The following ANGPT1 variants were observed in gnomAD, a reference collection of about 807,000 sequenced individuals.
The protein encoded by ANGPT1 is angiopoietin-1.
In ANGPT1, 17 loss-of-function variants were observed where a neutral mutation model predicts 62.2. The ratio of observed to expected loss-of-function variants is 0.27; its 90% CI spans 0.19 to 0.41. The LOEUF (loss-of-function observed/expected upper bound fraction) is 0.41, where lower values mean the gene tolerates loss of function less well. ANGPT1 is among the 10% of genes least tolerant of loss of function. ANGPT1 has a pLI of 1.00. For synonymous variants in ANGPT1, 199 were observed against 198.9 expected, an observed-to-expected ratio of 1.00 and a Z score of 0.00; for missense variants, 478 against 594.9, an observed-to-expected ratio of 0.80 and a Z score of 2.04.
At chr8:107,310,502 A>G (rs183737207) in intron 4 of ANGPT1, among the ~76,000 whole-genome samples, 28 of 152,296 alleles carry the variant, frequency 1.8e-4, no homozygotes, top group African/African-American at 6.0e-4. Context: ...TGAGTTATTC[A>G]GTATAAGCCA....
rs750634420 is a variant in ANGPT1 at position 107,257,870 on chromosome 8, G to GT, written c.1337-5856dup. Among the ~76,000 whole-genome samples, 342 of 45,102 alleles carry GT rather than the reference G, an allele frequency of 7.6e-3. 24 individuals carry two copies. The highest frequency in any genetic ancestry group is 0.011 in the Admixed American group (42 of 3,940). 29.6% of individuals were successfully genotyped at this position (45,102 alleles called of 152,430 possible). On this transcript the variant is annotated intron_variant, in intron 8 of 8. Transcript: ENST00000517746. ...TATATCCTCTTCAGGCCAAGGACTT[G>GT]TTTTTGTTTCTTTTTTGTTTGTTTG...
chr8:107,374,086 GT>G (rs1403303559), intron 1 of ANGPT1, among the ~76,000 whole-genome samples: 1 of 152,110 alleles, frequency 6.6e-6, no homozygotes, highest in Non-Finnish European at 1.5e-5. Context: ...TAGGATTAAT[GT>G]TTCTTTTTTA....
intron 4 of ANGPT1, among the ~76,000 whole-genome samples, chr8:107,319,569 T>C (rs1586219647): frequency 6.6e-6 from 1 of 151,722 alleles, no homozygotes; most frequent in East Asian, 1.9e-4. Context: ...AAATAATAAA[T>C]TTATATGATA....
rs1554587010 is a variant in ANGPT1, at chr8:107,370,407, A to AGAGT, written c.298-23314_298-23311dup. The stretch of plus-strand genomic sequence containing the variant: ...AAGAAAGAAAGAAAGAAAGAAAGAA[A>AGAGT]GAGTCAGGGTCAGTGGCTCAGGCCT... On this transcript the variant is annotated intron_variant, in intron 1 of 8. Coordinates refer to ENST00000517746, the MANE Select transcript of ANGPT1 (RefSeq NM_001146.5). Among the ~76,000 whole-genome samples, 2 of 71,940 alleles carry AGAGT rather than the reference A, an allele frequency of 2.8e-5. 1 individual carries two copies. The highest frequency in any genetic ancestry group is 9.5e-5 in the African/African-American group (2 of 21,004). 47.2% of individuals were successfully genotyped at this position (71,940 alleles called of 152,430 possible).
chr8:107,493,539 A>T lies in ANGPT1; in HGVS notation c.297+3723T>A, dbSNP rs1458006647. On this transcript the variant is annotated intron_variant, in intron 1 of 8. Coordinates refer to ENST00000517746, the MANE Select transcript of ANGPT1 (RefSeq NM_001146.5). ...TGTTTTAACTAGTATTAGGACAAAAATAACCATAGGTTATAGTCCTTGCCT... is the reference window on the plus strand; with the variant it reads ...TGTTTTAACTAGTATTAGGACAAAATTAACCATAGGTTATAGTCCTTGCCT... Among the ~76,000 whole-genome samples, 8 of 150,676 alleles carry T rather than the reference A, an allele frequency of 5.3e-5. 1 individual carries two copies. The highest frequency in any genetic ancestry group is 2.0e-4 in the African/African-American group (8 of 40,864).
At chr8:107,426,358 C>G (rs570857599) in intron 1 of ANGPT1, among the ~76,000 whole-genome samples, 2 of 152,196 alleles carry the variant, frequency 1.3e-5, no homozygotes, top group Non-Finnish European at 2.9e-5. Context: ...GATGATTAAT[C>G]AGCATTCTAA....
intron 7 of ANGPT1, among the ~76,000 whole-genome samples, chr8:107,274,485 C>T (rs896013005): frequency 6.6e-6 from 1 of 151,846 alleles, no homozygotes; most frequent in Non-Finnish European, 1.5e-5. Context: ...ATTTACTTGC[C>T]AACAAGCAAT....
intron 1 of ANGPT1, among the ~76,000 whole-genome samples, chr8:107,410,801 C>G (rs1446571393): frequency 6.6e-6 from 1 of 152,116 alleles, no homozygotes; most frequent in Non-Finnish European, 1.5e-5. Flanking sequence ...AAAGTGAAAT[C>G]TTAGCTTTTT....
At chr8:107,272,783 A>G (rs1405059289) in intron 7 of ANGPT1, among the ~76,000 whole-genome samples, 1 of 150,994 alleles carries the variant, frequency 6.6e-6, no homozygotes, top group African/African-American at 2.4e-5. Context: ...ATCTGTGACA[A>G]TGAAATATTT....
At chr8:107,370,217 A>T (rs1466523261) in intron 1 of ANGPT1, among the ~76,000 whole-genome samples, 2 of 145,658 alleles carry the variant, frequency 1.4e-5, no homozygotes, top group African/African-American at 5.1e-5. Context: ...GAAAGAAAGA[A>T]AGGAGAAAGG....
At chr8:107,299,297 G>C (rs539932164) in intron 5 of ANGPT1, among the ~76,000 whole-genome samples, 1 of 149,264 alleles carries the variant, frequency 6.7e-6, no homozygotes, top group East Asian at 2.0e-4. Flanking sequence ...TTCAATATTT[G>C]CTAAGAATTT....
At chr8:107,265,429 C>T (rs994311295) in intron 7 of ANGPT1, among the ~76,000 whole-genome samples, 1 of 152,200 alleles carries the variant, frequency 6.6e-6, no homozygotes, top group African/African-American at 2.4e-5. Flanking sequence ...TCCTTCTGGG[C>T]AACGTAGTGC....
At chr8:107,464,541 A>G (rs1266673019) in intron 1 of ANGPT1, among the ~76,000 whole-genome samples, 2 of 152,124 alleles carry the variant, frequency 1.3e-5, no homozygotes, top group Admixed American at 1.3e-4. Flanking sequence ...ATCAAAGCCT[A>G]TCCCTGACTT....
rs111987563 is a variant in ANGPT1 at position 107,457,198 on chromosome 8, C to T, written c.297+40064G>A. Among the ~76,000 whole-genome samples, 1,101 of 152,122 alleles carry T rather than the reference C, an allele frequency of 7.2e-3. 21 individuals carry two copies. The highest frequency in any genetic ancestry group is 0.025 in the African/African-American group (1,054 of 41,528). On this transcript the variant is annotated intron_variant, in intron 1 of 8. Coordinates refer to ENST00000517746, the MANE Select transcript of ANGPT1 (RefSeq NM_001146.5). ...TAGGTGATTACACATTGATACATGT[C>T]ACTACATAGAGGTATATATGCAAAT... is the stretch of plus-strand genomic sequence containing the variant.
chr8:107,274,979 G>C (rs186798599), intron 7 of ANGPT1, among the ~76,000 whole-genome samples: 2 of 152,202 alleles, frequency 1.3e-5, no homozygotes. Flanking sequence ...GGGAGGACAT[G>C]GAAGGGGCTC....
chr8:107,399,690 C>T (rs963287264), intron 1 of ANGPT1, among the ~76,000 whole-genome samples: 1 of 152,088 alleles, frequency 6.6e-6, no homozygotes, highest in Non-Finnish European at 1.5e-5. Context: ...AGGGTTTCAG[C>T]CTCAAACCCT....
intron 3 of ANGPT1, among the ~76,000 whole-genome samples, chr8:107,323,270 G>A (rs911829784): frequency 4.6e-5 from 7 of 152,056 alleles, no homozygotes; most frequent in Non-Finnish European, 1.0e-4. Context: ...GTTTTCCTCC[G>A]GGGAAAGGCT....
intron 1 of ANGPT1, among the ~76,000 whole-genome samples, chr8:107,351,873 A>G (rs1041902025): frequency 6.6e-6 from 1 of 152,188 alleles, no homozygotes; most frequent in African/African-American, 2.4e-5. Flanking sequence ...TAATACACAA[A>G]GCCTCTACAA....
chr8:107,388,376 C>G lies in ANGPT1; in HGVS notation c.298-41279G>C, dbSNP rs546411588. Among the ~76,000 whole-genome samples the G allele has an allele frequency of 1.1e-4, 16 of 152,094 alleles. No individual in the cohort carries two copies. In the East Asian group the frequency reaches 3.1e-3, roughly 29 times the overall value. ...GTCATAGTGAGCTATGATTGCACCACTGCGCTCCAGTTTAGGTGAGAGAGC... is the reference window on the plus strand; with the variant it reads ...GTCATAGTGAGCTATGATTGCACCAGTGCGCTCCAGTTTAGGTGAGAGAGC... On this transcript the variant is annotated intron_variant, in intron 1 of 8. Coordinates refer to ENST00000517746, the MANE Select transcript of ANGPT1 (RefSeq NM_001146.5).
Sources: allele counts gnomAD v4.1 joint callset (sites outside exome capture counted in the v4.1 genomes callset), GRCh38; gene constraint gnomAD v4.1.1; transcripts MANE v1.5; gene names NCBI Gene and HGNC (gene_info 2026-07-23, HGNC 2026-07-21).